Variants in PTPRT observed in about 807,000 individuals in gnomAD.
The protein encoded by PTPRT is protein tyrosine phosphatase receptor type T.
PTPRT carries 56 observed loss-of-function variants against 176.8 expected under a neutral mutation model. The observed-to-expected ratio is 0.32, with a 90% CI of 0.26 to 0.40. The LOEUF (loss-of-function observed/expected upper bound fraction) is 0.40. PTPRT is among the 10% of genes least tolerant of loss of function. The probability of loss-of-function intolerance (pLI) is 1.00; values close to 1 mark genes in which losing one functional copy is unlikely to be tolerated. For missense variants in PTPRT, 1,540 were observed against 1,908.2 expected (o/e 0.81, Z 3.60); for synonymous variants, 783 against 739.0 (o/e 1.06, Z -0.96).
At chr20:42,790,154 T>A (rs208247) in intron 3 of PTPRT, among the ~76,000 whole-genome samples, 63,123 of 151,978 alleles carry the variant, frequency 0.42, 14,121 homozygotes, top group East Asian at 0.64. Context: ...TAGGTTTTCT[T>A]AAGTCATGGG....
intron 7 of PTPRT, among the ~76,000 whole-genome samples, chr20:42,525,771 A>C (rs2072257060): frequency 6.6e-6 from 1 of 152,210 alleles, no homozygotes; most frequent in Admixed American, 6.5e-5. Flanking sequence ...TACAGCAAAA[A>C]GACTAGGCAG....
intron 7 of PTPRT, among the ~76,000 whole-genome samples, chr20:42,641,060 G>C (rs1372397682): frequency 6.6e-6 from 1 of 152,042 alleles, no homozygotes; most frequent in African/African-American, 2.4e-5. Flanking sequence ...GGATGGTCAT[G>C]ATTTACTAAG....
the PTPRT span, among the ~76,000 whole-genome samples, chr20:42,059,267 G>A: frequency 2.0e-5 from 3 of 152,098 alleles, no homozygotes; most frequent in African/African-American, 7.2e-5. Flanking sequence ...GCCGTGTGTG[G>A]ATGAAATAAC....
chr20:43,101,399 A>G lies in PTPRT; in HGVS notation c.88+88247T>C, dbSNP rs1023239463. Among the ~76,000 whole-genome samples, 4 of 152,100 alleles carry G rather than the reference A, an allele frequency of 2.6e-5. 1 individual carries two copies. Among genetic ancestry groups the G allele is most frequent in the African/African-American group, 9.7e-5 (4 of 41,344 alleles). On this transcript the variant is annotated intron_variant, in intron 1 of 30. Transcript: ENST00000373187. ...GTCTGTGGATGTGGGTTCAAATCCC[A>G]GCTCCACCCAACTGCAATGATCTGA...
At chr20:42,115,152 C>T (rs1259218680) in intron 22 of PTPRT, 47 bp downstream of exon 22, 7 of 1,377,220 alleles carry the variant, frequency 5.1e-6, no homozygotes, top group Non-Finnish European at 6.2e-6. Context: ...AACAAACAAG[C>T]TGGCTCTCAT....
intron 1 of PTPRT, among the ~76,000 whole-genome samples, chr20:42,977,070 C>CA (rs1982997524): frequency 6.6e-6 from 1 of 152,108 alleles, no homozygotes; most frequent in Admixed American, 6.5e-5. Flanking sequence ...GAAAATGTAG[C>CA]AAGTGGTTCT....
chr20:42,904,955 A>AT (rs2079454967), intron 1 of PTPRT, among the ~76,000 whole-genome samples: 1 of 152,270 alleles, frequency 6.6e-6, no homozygotes, highest in South Asian at 2.1e-4. Context: ...ACCTAAAACC[A>AT]TAAAAACCCT....
chr20:43,131,893 A>G (rs994120734), intron 1 of PTPRT, among the ~76,000 whole-genome samples: 2 of 152,250 alleles, frequency 1.3e-5, no homozygotes, highest in Non-Finnish European at 2.9e-5. Context: ...AACATTTTAT[A>G]GTAAACTTAA....
chr20:43,065,891 C>T (rs2011108023), intron 1 of PTPRT, among the ~76,000 whole-genome samples: 2 of 152,132 alleles, frequency 1.3e-5, no homozygotes, highest in South Asian at 4.2e-4. Flanking sequence ...AAAAGGTGTC[C>T]ATAGAGTTAA....
chr20:42,517,595 C>T lies in PTPRT; in HGVS notation c.1154-45033G>A, dbSNP rs548688933. 7.2e-5 allele frequency among the ~76,000 whole-genome samples: 11 copies of T among 152,058 alleles called. No individual in the cohort carries two copies. In the South Asian group the frequency reaches 2.3e-3, roughly 32 times the overall value. ...TGATGCATAGTCCATTAATTTTCAA[C>T]TTTACATCTTTGCTAACATAAACAT... On this transcript the variant is annotated intron_variant, in intron 7 of 30. Transcript: ENST00000373187.
At chr20:42,241,480 C>T (rs934454483) in intron 14 of PTPRT, among the ~76,000 whole-genome samples, 1 of 151,990 alleles carries the variant, frequency 6.6e-6, no homozygotes, top group Non-Finnish European at 1.5e-5. Flanking sequence ...CCAAATATTT[C>T]TTGTAGGTGA....
downstream of PTPRT, among the ~76,000 whole-genome samples, chr20:42,071,439 C>T (rs1982330187): frequency 1.3e-5 from 2 of 152,108 alleles, no homozygotes; most frequent in Non-Finnish European, 2.9e-5. Flanking sequence ...CAGTGCTTGC[C>T]TAATTTTAGC....
intron 7 of PTPRT, among the ~76,000 whole-genome samples, chr20:42,643,142 A>C (rs1196067139): frequency 1.3e-5 from 2 of 152,120 alleles, no homozygotes; most frequent in Non-Finnish European, 2.9e-5. Context: ...GTTACGCAGC[A>C]TTATTATGGC....
intron 13 of PTPRT, among the ~76,000 whole-genome samples, chr20:42,268,681 C>A (rs928477918): frequency 3.3e-5 from 5 of 152,172 alleles, no homozygotes; most frequent in African/African-American, 1.2e-4. Context: ...ATTAGTTTTG[C>A]ACGTGAAATA....
At chr20:42,818,361 C>T (rs575042200) in intron 2 of PTPRT, among the ~76,000 whole-genome samples, 4 of 149,216 alleles carry the variant, frequency 2.7e-5, no homozygotes, top group Non-Finnish European at 5.9e-5. Context: ...AACAAAAAGA[C>T]CCAAAAAAAA....
rs142558904 is a variant in PTPRT, at chr20:42,318,163, CTGT to C, written c.1866-2170_1866-2168del. On this transcript the variant is annotated intron_variant, in intron 11 of 30. Transcript: ENST00000373187. Reference sequence around the variant, plus strand: ...CACCATCTATGCATGTTCATAATGCCTGTTGAAGTCAATAAACGTTTAAATTAA... The same window carrying C: ...CACCATCTATGCATGTTCATAATGCCTGAAGTCAATAAACGTTTAAATTAA... Among the ~76,000 whole-genome samples, 1,069 of 152,280 alleles carry C rather than the reference CTGT, an allele frequency of 7.0e-3. 6 individuals are homozygous for C. The highest frequency in any genetic ancestry group is 0.02 in the Middle Eastern group (6 of 294).
the PTPRT span, among the ~76,000 whole-genome samples, chr20:42,045,828 TTCTCTATAAA>T: frequency 6.6e-6 from 1 of 152,172 alleles, no homozygotes; most frequent in Non-Finnish European, 1.5e-5. Context: ...GTTTCTTTAT[TTCTCTATAAA>T]TCATCAGCTG....
intron 1 of PTPRT, among the ~76,000 whole-genome samples, chr20:42,962,266 C>T (rs1229660759): frequency 1.3e-5 from 2 of 152,168 alleles, no homozygotes; most frequent in Non-Finnish European, 2.9e-5. Flanking sequence ...TGTTGAACAA[C>T]ATAATAAATG....
At chr20:42,382,851 T>TC (rs1401334789) in intron 9 of PTPRT, among the ~76,000 whole-genome samples, 1 of 152,166 alleles carries the variant, frequency 6.6e-6, no homozygotes, top group Admixed American at 6.5e-5. Context: ...CTGAAGGTTT[T>TC]CCTTGGTCTT....
Sources: allele counts gnomAD v4.1 joint callset (sites outside exome capture counted in the v4.1 genomes callset), GRCh38; gene constraint gnomAD v4.1.1; transcripts MANE v1.5; gene names NCBI Gene and HGNC (gene_info 2026-07-23, HGNC 2026-07-21).